STXBP5L: variants seen among roughly 807,000 people sequenced by gnomAD.
STXBP5L encodes syntaxin-binding protein 5-like.
In STXBP5L, 65 loss-of-function variants were observed where a neutral mutation model predicts 144.5. That is an observed-to-expected ratio of 0.45 (90% CI 0.37 to 0.55). The LOEUF (loss-of-function observed/expected upper bound fraction) is 0.55, where lower values mean the gene tolerates loss of function less well. Among genes scored for constraint, STXBP5L ranks in the 20% least tolerant of loss-of-function variants. The probability of loss-of-function intolerance (pLI) is 0.00; values close to 1 mark genes in which losing one functional copy is unlikely to be tolerated. For synonymous variants in STXBP5L, 505 were observed against 469.6 expected (o/e 1.08, Z -0.97); for missense variants, 1,298 against 1,405.5 (o/e 0.92, Z 1.22).
intron 20 of STXBP5L, among the ~76,000 whole-genome samples, chr3:121,322,257 T>C (rs1346101283): frequency 6.6e-6 from 1 of 152,148 alleles, no homozygotes; most frequent in Non-Finnish European, 1.5e-5. Flanking sequence ...GATGGGCGGA[T>C]CACCTGAGGT....
At chr3:121,292,123 G>C (rs1055005227) in intron 19 of STXBP5L, among the ~76,000 whole-genome samples, 3 of 152,074 alleles carry the variant, frequency 2.0e-5, no homozygotes, top group Non-Finnish European at 4.4e-5. Flanking sequence ...CCCACAGAGT[G>C]GGAGAAAATT....
chr3:120,962,699 G>A (rs1259654309), intron 3 of STXBP5L, among the ~76,000 whole-genome samples: 1 of 152,210 alleles, frequency 6.6e-6, no homozygotes, highest in Non-Finnish European at 1.5e-5. Context: ...ATAGTTTGAA[G>A]TCAGGTAGCA....
At chr3:121,250,798 T>C in intron 15 of STXBP5L, 35 bp downstream of exon 15, 7 of 1,576,302 alleles carry the variant, frequency 4.4e-6, no homozygotes, top group Non-Finnish European at 6.0e-6. Flanking sequence ...AGAAACCAAT[T>C]GGTTAATATT....
intron 3 of STXBP5L, among the ~76,000 whole-genome samples, chr3:120,962,590 T>A (rs1044775022): frequency 6.6e-6 from 1 of 152,174 alleles, no homozygotes; most frequent in Admixed American, 6.5e-5. Context: ...TGGTTGTAGA[T>A]GTGTGGCATT....
chr3:121,329,117 A>T (rs1471808355), intron 20 of STXBP5L, among the ~76,000 whole-genome samples: 1 of 152,096 alleles, frequency 6.6e-6, no homozygotes, highest in African/African-American at 2.4e-5. Flanking sequence ...ACAACTAAGA[A>T]CAATATGGCT....
chr3:120,978,489 A>T lies in STXBP5L; in HGVS notation c.287+23452A>T, dbSNP rs569246242. Among the ~76,000 whole-genome samples, 27 of 152,172 alleles carry T rather than the reference A, an allele frequency of 1.8e-4. No individual in the cohort carries two copies. In the South Asian group the frequency reaches 5.0e-3, roughly 28 times the overall value. On this transcript the variant is annotated intron_variant, in intron 3 of 26. Transcript: ENST00000471454. ...TTTTAACTTCTTTGCCTTTGGTTTG[A>T]ATTTCCTCCTGTAGCTCGGAGTAGT... is the stretch of plus-strand genomic sequence containing the variant.
intron 22 of STXBP5L, among the ~76,000 whole-genome samples, chr3:121,387,933 G>A (rs1383018823): frequency 6.6e-6 from 1 of 152,100 alleles, no homozygotes; most frequent in Non-Finnish European, 1.5e-5. Context: ...TTCCAATTCT[G>A]TGAAGAAAGT....
At chr3:121,091,790 T>C (rs1308986938) in intron 5 of STXBP5L, among the ~76,000 whole-genome samples, 1 of 152,200 alleles carries the variant, frequency 6.6e-6, no homozygotes, top group Non-Finnish European at 1.5e-5. Flanking sequence ...TTAGATCCCA[T>C]TTGTCAATTT....
chr3:121,037,350 C>T (rs556347344), intron 3 of STXBP5L, among the ~76,000 whole-genome samples: 1 of 151,320 alleles, frequency 6.6e-6, no homozygotes, highest in South Asian at 2.1e-4. Flanking sequence ...TGGACTTAAG[C>T]AATCTTCTTG....
chr3:121,214,224 C>G (rs1460296711), intron 10 of STXBP5L, among the ~76,000 whole-genome samples: 1 of 152,000 alleles, frequency 6.6e-6, no homozygotes, highest in African/African-American at 2.4e-5. Context: ...GCACTGTGAT[C>G]TTAGTTATTT....
intron 18 of STXBP5L, among the ~76,000 whole-genome samples, chr3:121,275,643 A>C (rs2050858073): frequency 6.6e-6 from 1 of 152,058 alleles, no homozygotes; most frequent in South Asian, 2.1e-4. Flanking sequence ...TGCATACTAC[A>C]CCTTAATTGT....
At position 121,233,583 on chromosome 3, in the gene STXBP5L, T is replaced by C. The variant is rs561253416; in HGVS notation, c.1112-33T>C. ...TGCTGATTTTATAGTATATACAATA[T>C]GAAAACTTTTCATTTTTTATTTTTA... On this transcript the variant is annotated intron_variant, in intron 11 of 26. Transcript: ENST00000471454. The C allele has an allele frequency of 5.1e-6, 8 of 1,553,530 alleles. No homozygotes were observed. In the East Asian group the frequency reaches 1.9e-4, roughly 36 times the overall value.
In STXBP5L at chr3:120,908,692, C is replaced by G. The variant is rs920426410; in HGVS notation, c.-9+358C>G. Among the ~76,000 whole-genome samples the G allele has an allele frequency of 2.0e-5, 3 of 151,270 alleles. No homozygotes were observed. In the East Asian group the frequency reaches 5.9e-4, roughly 30 times the overall value. The stretch of plus-strand genomic sequence containing the variant: ...GCTGAGGCGGGACTCGGGCCGCAGC[C>G]GTCGCCGCCACCGCTTCACGTCCCC... On this transcript the variant is annotated intron_variant, in intron 1 of 26. Transcript: ENST00000471454.
At chr3:121,144,379 G>T (rs985738379) in intron 7 of STXBP5L, among the ~76,000 whole-genome samples, 1 of 151,762 alleles carries the variant, frequency 6.6e-6, no homozygotes, top group African/African-American at 2.4e-5. Context: ...ATATGGAAAA[G>T]TGCTTAATGT....
chr3:120,991,846 GA>G (rs1942915313), intron 3 of STXBP5L, among the ~76,000 whole-genome samples: 1 of 152,010 alleles, frequency 6.6e-6, no homozygotes, highest in Non-Finnish European at 1.5e-5. Flanking sequence ...AGCATTAGGA[GA>G]TATATGTAAT....
At chr3:121,174,281 A>G (rs539806107) in intron 9 of STXBP5L, among the ~76,000 whole-genome samples, 22 of 152,226 alleles carry the variant, frequency 1.4e-4, no homozygotes, top group African/African-American at 4.1e-4. Context: ...ATAGATTTGT[A>G]TATATTTTAT....
intron 5 of STXBP5L, among the ~76,000 whole-genome samples, chr3:121,053,284 G>A (rs1234634751): frequency 3.3e-5 from 5 of 152,136 alleles, no homozygotes; most frequent in African/African-American, 1.2e-4. Flanking sequence ...CCATTGCCAA[G>A]TCAATCCTAA....
At chr3:121,067,927 C>T (rs1230761899) in intron 5 of STXBP5L, among the ~76,000 whole-genome samples, 11 of 152,308 alleles carry the variant, frequency 7.2e-5, no homozygotes, top group African/African-American at 2.6e-4. Context: ...GTTTGCATGG[C>T]ATATATATTT....
At chr3:121,033,280 A>T (rs1375683518) in intron 3 of STXBP5L, among the ~76,000 whole-genome samples, 1 of 126,152 alleles carries the variant, frequency 7.9e-6, no homozygotes, top group Non-Finnish European at 1.6e-5. Context: ...AGGGACATGG[A>T]TGAAATTGGA....
Sources: allele counts gnomAD v4.1 joint callset (sites outside exome capture counted in the v4.1 genomes callset), GRCh38; gene constraint gnomAD v4.1.1; transcripts MANE v1.5; gene names NCBI Gene and HGNC (gene_info 2026-07-23, HGNC 2026-07-21).